The following VSTM4 variants were observed in gnomAD, a reference collection of about 807,000 sequenced individuals.
VSTM4 encodes the protein V-set and transmembrane domain containing 4, also known as V-set and transmembrane domain-containing protein 4.
A neutral mutation model predicts 36.4 loss-of-function variants in VSTM4; 20 were observed. The ratio of observed to expected loss-of-function variants is 0.55; its 90% CI spans 0.39 to 0.80. VSTM4 has a LOEUF of 0.80. Ranked by LOEUF, VSTM4 falls within the 30% of genes least tolerant of loss-of-function variation. VSTM4 has a pLI of 0.00. For missense variants in VSTM4, 392 were observed against 404.5 expected (o/e 0.97, Z 0.26); for synonymous variants, 182 against 173.9 (o/e 1.05, Z -0.37).
At chr10:49,064,881 G>T in intron 4 of VSTM4, 145 bp from the exon 5 acceptor site, 1 of 785,502 alleles carries the variant, frequency 1.3e-6, no homozygotes, top group Non-Finnish European at 2.1e-6. Context: ...GCATTCTTCT[G>T]TTTGGAAGAG....
chr10:49,092,103 A>G (rs1844485845), intron 2 of VSTM4, among the ~76,000 whole-genome samples: 1 of 152,158 alleles, frequency 6.6e-6, no homozygotes, highest in Non-Finnish European at 1.5e-5. Context: ...CCCAGACTCT[A>G]CAGATCTTGT....
intron 7 of VSTM4, among the ~76,000 whole-genome samples, chr10:49,025,590 C>T (rs1360961073): frequency 6.6e-6 from 1 of 152,240 alleles, no homozygotes; most frequent in Non-Finnish European, 1.5e-5. Context: ...TGGCAGCCCA[C>T]ACAAACCTCC....
At chr10:49,078,523 GA>G (rs34919134) in intron 3 of VSTM4, among the ~76,000 whole-genome samples, 3,189 of 137,732 alleles carry the variant, frequency 0.023, 87 homozygotes, top group South Asian at 0.13. Context: ...TACGCTGAGT[GA>G]AAAAAAAAAA....
chr10:49,086,994 C>T (rs1844381941), intron 2 of VSTM4, among the ~76,000 whole-genome samples: 1 of 152,152 alleles, frequency 6.6e-6, no homozygotes, highest in African/African-American at 2.4e-5. Flanking sequence ...GCAAAGATGG[C>T]CTAGAACTTA....
At chr10:49,050,277 T>C (rs773851251) in intron 5 of VSTM4, among the ~76,000 whole-genome samples, 4 of 152,146 alleles carry the variant, frequency 2.6e-5, no homozygotes, top group Non-Finnish European at 4.4e-5. Flanking sequence ...GCTCCAGAAA[T>C]ATTCACAAGA....
At position 49,064,750 on chromosome 10, in the gene VSTM4, A is replaced by G. The variant is rs902804861; in HGVS notation, c.635-14T>C. ...AATAATGTCTCACTGTGAAAGGAAA[A>G]ATAATAGAAGATGGTAAACCAATGC... On this transcript the variant is annotated splice_polypyrimidine_tract_variant and intron_variant, in intron 4 of 7. Transcript: ENST00000332853. The G allele has an allele frequency of 1.9e-6, 3 of 1,611,612 alleles. No individual in the cohort carries two copies. Among genetic ancestry groups the G allele is most frequent in the Non-Finnish European group, 2.5e-6 (3 of 1,178,920 alleles).
intron 7 of VSTM4, among the ~76,000 whole-genome samples, chr10:49,025,743 G>A (rs796105382): frequency 6.6e-6 from 1 of 152,332 alleles, no homozygotes; most frequent in African/African-American, 2.4e-5. Context: ...GCTACCAAGT[G>A]ACCGGCACAC....
At position 49,019,363 on chromosome 10, in the gene VSTM4, G is replaced by A. The variant is rs118156334; in HGVS notation, c.*287C>T. ...AGAGGAGAAAAATGTGAAGGGGTTT[G>A]GCTCAGCAGAAAATCTCCTTGGCTG... On this transcript the variant is annotated 3_prime_UTR_variant, in exon 8 of 8. Transcript: ENST00000332853. 7,724 of 266,208 alleles carry A rather than the reference G, an allele frequency of 0.029. 169 individuals are homozygous for A. The highest frequency in any genetic ancestry group is 0.042 in the South Asian group (251 of 5,928). The allele number at this position is 266,208 out of a possible 1,614,324, so 16.5% of individuals were successfully genotyped here.
intron 2 of VSTM4, among the ~76,000 whole-genome samples, chr10:49,097,507 A>G (rs1844594843): frequency 6.6e-6 from 1 of 152,214 alleles, no homozygotes; most frequent in Admixed American, 6.5e-5. Context: ...CAAAGGGTCA[A>G]GGGTGCGTAG....
At position 49,110,046 on chromosome 10, in the gene VSTM4, G is replaced by C. The variant is rs78220977; in HGVS notation, c.56-2051C>G. Among the ~76,000 whole-genome samples the C allele has an allele frequency of 3.9e-3, 589 of 152,320 alleles. 26 individuals are homozygous for C. The East Asian group carries it at 0.047, about 12-fold the overall frequency. On this transcript the variant is annotated intron_variant, in intron 1 of 7. Transcript: ENST00000332853. ...ACTGGCTGACCCAGCTCCAACAGCT[G>C]CTGGGGTTGGGCAGCCACAGAGAGC...
intron 2 of VSTM4, among the ~76,000 whole-genome samples, chr10:49,098,341 C>T (rs10508911): frequency 0.17 from 25,562 of 152,224 alleles, 2,376 homozygotes; most frequent in Non-Finnish European, 0.22. Flanking sequence ...GAGTGAAAAG[C>T]TGCTACACAT....
intron 3 of VSTM4, among the ~76,000 whole-genome samples, chr10:49,082,202 T>A (rs1564587011): frequency 6.6e-6 from 1 of 152,200 alleles, no homozygotes; most frequent in Admixed American, 6.5e-5. Flanking sequence ...TTCCAATTCA[T>A]CCTTTACCTT....
chr10:49,074,990 A>G (rs1429982267), intron 4 of VSTM4, among the ~76,000 whole-genome samples: 1 of 152,204 alleles, frequency 6.6e-6, no homozygotes, highest in Non-Finnish European at 1.5e-5. Context: ...CCAGGGTCAC[A>G]TAAGCACATG....
intron 2 of VSTM4, chr10:49,103,423 T>A (rs1844703776): frequency 1.5e-6 from 1 of 679,220 alleles, no homozygotes; most frequent in Non-Finnish European, 1.8e-6. Context: ...AATGTTAAGT[T>A]GAGTAGAGAT....
In VSTM4 at chr10:49,016,969, TAACC is replaced by T. The variant is rs1360459267; in HGVS notation, c.*2677_*2680del. ...CTGCCTGAAAGAAGCCACTGCACTC[TAACC>T]AATGGGTTCATACTTCTTTTAGCTT... On this transcript the variant is annotated 3_prime_UTR_variant, in exon 8 of 8. Transcript: ENST00000332853. The T allele has an allele frequency of 1.3e-5, 2 of 152,314 alleles. No homozygotes were observed. Among genetic ancestry groups the T allele is most frequent in the Non-Finnish European group, 2.9e-5 (2 of 68,054 alleles). 9.4% of individuals were successfully genotyped at this position (152,314 alleles called of 1,614,324 possible). A position where few individuals can be genotyped will look rare whatever the true frequency, so the allele number is the denominator to read the frequency against.
chr10:49,072,357 G>C lies in VSTM4; in HGVS notation c.634+4862C>G, dbSNP rs535246366. ...CCTCAGGAACCAGCTGGTTGCTGGG[G>C]TAACAGCTCAGCACCACCAATCCTC... On this transcript the variant is annotated intron_variant, in intron 4 of 7. Coordinates refer to ENST00000332853, the MANE Select transcript of VSTM4 (RefSeq NM_001031746.5). Among the ~76,000 whole-genome samples the C allele has an allele frequency of 5.9e-5, 9 of 152,266 alleles. No homozygotes were observed. The South Asian group carries it at 1.9e-3, about 32-fold the overall frequency.
intron 2 of VSTM4, 44 bp from the exon 3 acceptor site, chr10:49,086,067 C>T (rs1282431485): frequency 1.7e-6 from 2 of 1,194,698 alleles, no homozygotes; most frequent in Non-Finnish European, 2.4e-6. Flanking sequence ...AAAATAATGC[C>T]ACATGGTACA....
At position 49,107,847 on chromosome 10, in the gene VSTM4, G is replaced by A. The variant is rs760502568; in HGVS notation, c.204C>T (p.Phe68=). Reference sequence around the variant, plus strand: ...TCACCATCAAGGCCTCCTGGGAGTCGAAGGAGTGTGCAAAGAACCAGCGCA... The same window carrying A: ...TCACCATCAAGGCCTCCTGGGAGTCAAAGGAGTGTGCAAAGAACCAGCGCA... ...LAVRWFFAHS[F]DSQEALMVKM... The change falls in exon 2 of 8, where the codon TTC becomes TTT. Residue 68 remains phenylalanine (F), a synonymous_variant. Coordinates refer to ENST00000332853, the MANE Select transcript of VSTM4 (RefSeq NM_001031746.5). 7.4e-6 allele frequency: 12 copies of A among 1,614,212 alleles called. No homozygotes were observed. In the South Asian group the frequency reaches 9.9e-5, roughly 13 times the overall value.
At chr10:49,073,474 A>G (rs1007409550) in intron 4 of VSTM4, among the ~76,000 whole-genome samples, 13 of 152,216 alleles carry the variant, frequency 8.5e-5, no homozygotes, top group Admixed American at 5.9e-4. Context: ...CCCCAGACAG[A>G]GCATGGCAGA....
Sources: gnomAD v4.1 joint callset for allele counts (sites outside exome capture counted in the v4.1 genomes callset) on GRCh38, gnomAD v4.1.1 for gene constraint, MANE v1.5 for transcripts, NCBI Gene and HGNC (gene_info 2026-07-23, HGNC 2026-07-21) for gene names.